The following RCC2 variants were observed in gnomAD, a reference collection of about 807,000 sequenced individuals.
The protein encoded by RCC2 is protein RCC2.
RCC2 carries 19 observed loss-of-function variants against 64.1 expected under a neutral mutation model. The observed-to-expected ratio is 0.30, with a 90% confidence interval of 0.21 to 0.44. RCC2 has a LOEUF of 0.44. Ranked by LOEUF, RCC2 falls within the 20% of genes least tolerant of loss-of-function variation. The pLI is 1.00. For missense variants in RCC2, 508 were observed against 710.4 expected (o/e 0.72, Z 3.24); for synonymous variants, 325 against 279.6 (o/e 1.16, Z -1.62).
At chr1:17,419,580 G>A (rs542129784) in intron 7 of RCC2, among the ~76,000 whole-genome samples, 3 of 152,362 alleles carry the variant, frequency 2.0e-5, no homozygotes, top group South Asian at 2.1e-4. Context: ...CAAACTACCT[G>A]CAAGTTGAGT....
rs2075372670 is a variant in RCC2, at chr1:17,407,347, T to C, written c.*1743A>G. 6.6e-6 allele frequency: 1 copy of C among 152,210 alleles called. No individual in the cohort carries two copies. The highest frequency in any genetic ancestry group is 1.5e-5 in the Non-Finnish European group (1 of 68,032). 9.4% of individuals were successfully genotyped at this position (152,210 alleles called of 1,614,324 possible). On this transcript the variant is annotated 3_prime_UTR_variant, in exon 13 of 13. Coordinates refer to ENST00000375436, the MANE Select transcript of RCC2 (RefSeq NM_018715.4). ...TGGGCTGCATTCCAGGAAAGAGACC[T>C]GTCCAGGGAAACGGATCAGGCTGTC...
chr1:17,422,605 G>T, intron 5 of RCC2, 100 bp downstream of exon 5: 1 of 1,459,210 alleles, frequency 6.9e-7, no homozygotes, highest in South Asian at 1.3e-5. Flanking sequence ...TCCTGACCAA[G>T]AGTCACAAGG....
At chr1:17,438,187 GCC>G (rs755867124) in intron 2 of RCC2, 41 bp downstream of exon 2, 1 of 1,162,282 alleles carries the variant, frequency 8.6e-7, no homozygotes, top group Admixed American at 3.7e-5. Flanking sequence ...GAGCCCGCCG[GCC>G]CCGGCCCTGC....
chr1:17,416,078 A>AGGG (rs35085981), intron 8 of RCC2, among the ~76,000 whole-genome samples: 6 of 50,816 alleles, frequency 1.2e-4, no homozygotes, highest in African/African-American at 2.5e-4. Flanking sequence ...CAAAAAAAAA[A>AGGG]GGGGGGGGGG....
chr1:17,426,569 T>C (rs1570196293), intron 3 of RCC2, among the ~76,000 whole-genome samples: 3 of 152,066 alleles, frequency 2.0e-5, no homozygotes, highest in Non-Finnish European at 4.4e-5. Flanking sequence ...GCTCTCTTCC[T>C]GAGCCCCCCA....
Position 17,412,203 on chromosome 1 carries a change from A to C in RCC2, c.1314-9T>G. On this transcript the variant is annotated splice_polypyrimidine_tract_variant and intron_variant, in intron 10 of 12. Transcript: ENST00000375436. Reference sequence around the variant, plus strand: ...CAATGATGCTGCTCTTCCTGCAAACAGGCAGGCTGTCACTGCAGGGCCAGC... The same window carrying C: ...CAATGATGCTGCTCTTCCTGCAAACCGGCAGGCTGTCACTGCAGGGCCAGC... 6.2e-7 allele frequency: 1 copy of C among 1,613,980 alleles called. No individual in the cohort carries two copies. Among genetic ancestry groups the C allele is most frequent in the East Asian group, 2.2e-5 (1 of 44,882 alleles).
In RCC2 at chr1:17,413,294, G is replaced by A. The variant is rs796224058; in HGVS notation, c.1208-116C>T. On this transcript the variant is annotated intron_variant, in intron 9 of 12. Coordinates refer to ENST00000375436, the MANE Select transcript of RCC2 (RefSeq NM_018715.4). ...TGGCAAACAAGTGTTCTGTCTAAAAGATAACTGGAGCCAGGCGTGGTGGCG... is the reference window on the plus strand; with the variant it reads ...TGGCAAACAAGTGTTCTGTCTAAAAAATAACTGGAGCCAGGCGTGGTGGCG... 5.4e-5 allele frequency: 48 copies of A among 893,194 alleles called. No homozygotes were observed. The African/African-American group carries it at 7.6e-4, about 14-fold the overall frequency. 55.3% of individuals were successfully genotyped at this position (893,194 alleles called of 1,614,324 possible). A position where few individuals can be genotyped will look rare whatever the true frequency, so the allele number is the denominator to read the frequency against.
At chr1:17,424,521 C>T (rs908795262) in intron 4 of RCC2, among the ~76,000 whole-genome samples, 3 of 152,188 alleles carry the variant, frequency 2.0e-5, no homozygotes, top group African/African-American at 7.2e-5. Context: ...GTCAGCATGT[C>T]ATCAAGAGAC....
In RCC2 at chr1:17,427,769, C is replaced by T. The variant is rs184113933; in HGVS notation, c.379+1337G>A. 8.1e-4 allele frequency among the ~76,000 whole-genome samples: 123 copies of T among 151,154 alleles called. 1 individual carries two copies. The highest frequency in any genetic ancestry group is 2.8e-3 in the African/African-American group (117 of 41,178). ...AGGATGCCACTGGCTCCTGAGGAGCCGGGTTGGGTTTCTTCCGGCCTCCCA... is the reference window on the plus strand; with the variant it reads ...AGGATGCCACTGGCTCCTGAGGAGCTGGGTTGGGTTTCTTCCGGCCTCCCA... On this transcript the variant is annotated intron_variant, in intron 3 of 12. Coordinates refer to ENST00000375436, the MANE Select transcript of RCC2 (RefSeq NM_018715.4).
At chr1:17,421,605 T>A (rs2075556848) in intron 6 of RCC2, among the ~76,000 whole-genome samples, 1 of 152,192 alleles carries the variant, frequency 6.6e-6, no homozygotes, top group Non-Finnish European at 1.5e-5. Flanking sequence ...TACATCCATA[T>A]AACATCACTC....
chr1:17,436,393 G>A lies in RCC2; in HGVS notation c.285+1837C>T, dbSNP rs183325950. Among the ~76,000 whole-genome samples the A allele has an allele frequency of 7.8e-4, 118 of 152,234 alleles. 1 individual carries two copies. The highest frequency in any genetic ancestry group is 2.7e-3 in the African/African-American group (114 of 41,532). On this transcript the variant is annotated intron_variant, in intron 2 of 12. Coordinates refer to ENST00000375436, the MANE Select transcript of RCC2 (RefSeq NM_018715.4). ...GTGGAACACACTTGTAATCCCAGCT[G>A]CTCGAGAGGCTGATCAGCACACAAA...
At chr1:17,426,296 G>A (rs934764491) in intron 3 of RCC2, among the ~76,000 whole-genome samples, 3 of 152,046 alleles carry the variant, frequency 2.0e-5, no homozygotes, top group Non-Finnish European at 4.4e-5. Flanking sequence ...TTGAGGAGGG[G>A]CACTGCTCAC....
At chr1:17,431,336 A>AAAAAAATAAAAAAT (rs1203130140) in intron 2 of RCC2, among the ~76,000 whole-genome samples, 1 of 46,540 alleles carries the variant, frequency 2.1e-5, no homozygotes, top group East Asian at 5.0e-4. Context: ...TCCATCTCAA[A>AAAAAAATAAAAAAT]AAAAAAAAAA....
At chr1:17,434,912 T>C (rs931097869) in intron 2 of RCC2, among the ~76,000 whole-genome samples, 4 of 152,218 alleles carry the variant, frequency 2.6e-5, no homozygotes, top group African/African-American at 9.6e-5. Context: ...CAAGACAGCC[T>C]GGCCAACATG....
intron 3 of RCC2, among the ~76,000 whole-genome samples, 187 bp from the exon 4 acceptor site, chr1:17,425,871 C>G (rs1450572460): frequency 1.3e-5 from 2 of 152,224 alleles, no homozygotes; most frequent in African/African-American, 4.8e-5. Flanking sequence ...TGCGATGCCT[C>G]TGAAGGCCCA....
intron 4 of RCC2, among the ~76,000 whole-genome samples, chr1:17,424,069 C>T (rs1009496950): frequency 1.3e-5 from 2 of 152,204 alleles, no homozygotes; most frequent in African/African-American, 2.4e-5. Flanking sequence ...GAATACAGAG[C>T]AACAAGTGCA....
chr1:17,432,151 T>C (rs1236128804), intron 2 of RCC2, among the ~76,000 whole-genome samples: 1 of 152,190 alleles, frequency 6.6e-6, no homozygotes, highest in Non-Finnish European at 1.5e-5. Flanking sequence ...AGAACAACTT[T>C]GGTTCATTTA....
At chr1:17,421,833 C>T (rs1335222763) in intron 6 of RCC2, among the ~76,000 whole-genome samples, 1 of 152,106 alleles carries the variant, frequency 6.6e-6, no homozygotes, top group Admixed American at 6.6e-5. Flanking sequence ...CCAGACCAGC[C>T]TGACCAACAT....
rs1480382321 is a variant in RCC2 at position 17,407,927 on chromosome 1, A to T, written c.*1163T>A. On this transcript the variant is annotated 3_prime_UTR_variant, in exon 13 of 13. Coordinates refer to ENST00000375436, the MANE Select transcript of RCC2 (RefSeq NM_018715.4). ...AGGAGGGTTCCGGGAAAGGCACCTC[A>T]TAACTCACTCAGCGCAGCACACACG... The T allele has an allele frequency of 6.6e-6, 1 of 152,602 alleles. No homozygotes were observed. The highest frequency in any genetic ancestry group is 1.5e-5 in the Non-Finnish European group (1 of 68,114). The allele number at this position is 152,602 out of a possible 1,614,324, so 9.5% of individuals were successfully genotyped here. A position where few individuals can be genotyped will look rare whatever the true frequency, so the allele number is the denominator to read the frequency against.
Sources: gnomAD v4.1 joint callset for allele counts (sites outside exome capture counted in the v4.1 genomes callset) on GRCh38, gnomAD v4.1.1 for gene constraint, MANE v1.5 for transcripts, NCBI Gene and HGNC (gene_info 2026-07-23, HGNC 2026-07-21) for gene names.